KCNT2: variants seen among roughly 807,000 people sequenced by gnomAD.
KCNT2 encodes potassium channel subfamily T member 2.
Under a neutral mutation model 153.8 loss-of-function variants are expected in KCNT2, and 67 were observed. The ratio of observed to expected loss-of-function variants is 0.44; its 90% CI spans 0.36 to 0.53. KCNT2 has a LOEUF of 0.53. KCNT2 is among the 20% of genes least tolerant of loss of function. The probability of loss-of-function intolerance (pLI) is 0.00; values close to 1 mark genes in which losing one functional copy is unlikely to be tolerated. For missense variants in KCNT2, 975 were observed against 1,354.8 expected (o/e 0.72, Z 4.40); for synonymous variants, 500 against 458.8 (o/e 1.09, Z -1.15).
intron 21 of KCNT2, among the ~76,000 whole-genome samples, chr1:196,308,053 A>T (rs1421663813): frequency 1.3e-5 from 2 of 152,110 alleles, no homozygotes; most frequent in East Asian, 1.9e-4. Context: ...TGAATCAATG[A>T]GCACAAAGCC....
intron 1 of KCNT2, among the ~76,000 whole-genome samples, chr1:196,494,573 G>A (rs1680108739): frequency 6.6e-6 from 1 of 151,870 alleles, no homozygotes; most frequent in African/African-American, 2.4e-5. Flanking sequence ...TAGTCAGGAT[G>A]GTCTCAATTT....
At chr1:196,606,292 T>C (rs1200323552) in intron 1 of KCNT2, among the ~76,000 whole-genome samples, 1 of 152,218 alleles carries the variant, frequency 6.6e-6, no homozygotes, top group African/African-American at 2.4e-5. Flanking sequence ...GGACTGAATC[T>C]GGGTTTCTCT....
At chr1:196,430,616 G>T (rs1674068613) in intron 8 of KCNT2, among the ~76,000 whole-genome samples, 1 of 151,954 alleles carries the variant, frequency 6.6e-6, no homozygotes, top group African/African-American at 2.4e-5. Context: ...TTTTATGGCA[G>T]CACAAAATGG....
chr1:196,308,071 C>CT (rs1661809434), intron 21 of KCNT2, among the ~76,000 whole-genome samples: 1 of 151,980 alleles, frequency 6.6e-6, no homozygotes, highest in Non-Finnish European at 1.5e-5. Flanking sequence ...GCCCTATAAA[C>CT]TCATGCAGAC....
At chr1:196,537,428 G>T (rs1655735384) in intron 1 of KCNT2, among the ~76,000 whole-genome samples, 1 of 152,154 alleles carries the variant, frequency 6.6e-6, no homozygotes, top group African/African-American at 2.4e-5. Flanking sequence ...CGGCACAGCT[G>T]CCAAGCCATG....
chr1:196,564,497 A>G (rs1659836684), intron 1 of KCNT2, among the ~76,000 whole-genome samples: 2 of 151,902 alleles, frequency 1.3e-5, no homozygotes, highest in Admixed American at 1.3e-4. Flanking sequence ...GGAAAAATCA[A>G]TTCCAAAATT....
chr1:196,433,735 CT>C (rs1220924296), intron 8 of KCNT2, among the ~76,000 whole-genome samples: 2 of 151,980 alleles, frequency 1.3e-5, no homozygotes, highest in African/African-American at 4.8e-5. Context: ...CCAGAAGTTC[CT>C]TTTCCGGCCT....
At chr1:196,378,082 C>A (rs527724839) in intron 13 of KCNT2, among the ~76,000 whole-genome samples, 10 of 152,040 alleles carry the variant, frequency 6.6e-5, no homozygotes, top group African/African-American at 2.4e-4. Flanking sequence ...AGAGTGGCCA[C>A]AGAGAATAGT....
intron 19 of KCNT2, among the ~76,000 whole-genome samples, chr1:196,323,777 T>C (rs1663566892): frequency 6.6e-6 from 1 of 151,920 alleles, no homozygotes. Context: ...TATTTTCAGC[T>C]GTACTCATGT....
chr1:196,552,549 T>A (rs1658053206), intron 1 of KCNT2, among the ~76,000 whole-genome samples: 1 of 151,336 alleles, frequency 6.6e-6, no homozygotes. Flanking sequence ...AAGGAAAGGA[T>A]GTTAATAAGC....
At chr1:196,514,870 A>G (rs1482575002) in intron 1 of KCNT2, among the ~76,000 whole-genome samples, 1 of 152,148 alleles carries the variant, frequency 6.6e-6, no homozygotes, top group Non-Finnish European at 1.5e-5. Flanking sequence ...CTTAACATGG[A>G]GGTACCTCTC....
chr1:196,523,629 G>T (rs538842368), intron 1 of KCNT2, among the ~76,000 whole-genome samples: 1 of 152,278 alleles, frequency 6.6e-6, no homozygotes, highest in South Asian at 2.1e-4. Context: ...AAGAAAGAGA[G>T]TCTAGACCAG....
intron 22 of KCNT2, among the ~76,000 whole-genome samples, chr1:196,293,859 C>CAAAAAAAAAAAAAAA (rs571759690): frequency 8.7e-6 from 1 of 115,218 alleles, no homozygotes. Context: ...TCTGCACAGT[C>CAAAAAAAAAAAAAAA]AAAAAAAAAA....
chr1:196,563,869 A>C (rs1458929803), intron 1 of KCNT2, among the ~76,000 whole-genome samples: 3 of 151,918 alleles, frequency 2.0e-5, no homozygotes, highest in African/African-American at 4.8e-5. Context: ...TAACACAATA[A>C]AGGCCATCTA....
Position 196,227,917 on chromosome 1 carries a change from A to G in KCNT2, c.*307T>C. The G allele has an allele frequency of 5.0e-6, 1 of 199,486 alleles. No individual in the cohort carries two copies. The highest frequency in any genetic ancestry group is 1.0e-5 in the Non-Finnish European group (1 of 98,912). 12.4% of individuals were successfully genotyped at this position (199,486 alleles called of 1,614,324 possible). ...GATTTTGTCAACTTCATAAAACCTT[A>G]ATAATTTTTAAAATTGCTTTCATAG... On this transcript the variant is annotated 3_prime_UTR_variant, in exon 28 of 28. Transcript: ENST00000294725.
chr1:196,493,270 C>T (rs530117945), intron 1 of KCNT2, among the ~76,000 whole-genome samples: 249 of 145,712 alleles, frequency 1.7e-3, no homozygotes, highest in South Asian at 5.8e-3. Context: ...TTCATTTTTC[C>T]TAATATGGTA....
At chr1:196,418,661 A>T (rs1488884955) in intron 12 of KCNT2, among the ~76,000 whole-genome samples, 1 of 151,982 alleles carries the variant, frequency 6.6e-6, no homozygotes. Flanking sequence ...ATCTCTGTAT[A>T]TCCTATCATC....
At chr1:196,228,387 A>G (rs982191454) in intron 27 of KCNT2, 52 bp from the exon 28 acceptor site, 11 of 879,254 alleles carry the variant, frequency 1.3e-5, no homozygotes, top group Non-Finnish European at 1.7e-5. Context: ...TACAGGCAAC[A>G]TTAATTCACA....
At chr1:196,262,096 AG>A (rs1266218431) in intron 25 of KCNT2, among the ~76,000 whole-genome samples, 6 of 151,940 alleles carry the variant, frequency 3.9e-5, no homozygotes, top group Non-Finnish European at 8.8e-5. Context: ...ACAAAAAATA[AG>A]AAAATATTTC....
Sources: gnomAD v4.1 joint callset for allele counts (sites outside exome capture counted in the v4.1 genomes callset) on GRCh38, gnomAD v4.1.1 for gene constraint, MANE v1.5 for transcripts, NCBI Gene and HGNC (gene_info 2026-07-23, HGNC 2026-07-21) for gene names.